The following NXPH1 variants were observed in gnomAD, a reference collection of about 807,000 sequenced individuals.
The protein encoded by NXPH1 is neurexophilin 1, also known as neurexophilin-1.
Under a neutral mutation model 23.7 loss-of-function variants are expected in NXPH1, and 5 were observed. That is an observed-to-expected ratio of 0.21 (90% CI 0.11 to 0.44). NXPH1 has a LOEUF of 0.44. Ranked by LOEUF, NXPH1 falls within the 20% of genes least tolerant of loss-of-function variation. The pLI, the probability that NXPH1 is intolerant of heterozygous loss-of-function variation, is 0.99. For missense variants in NXPH1, 324 were observed against 321.6 expected, an observed-to-expected ratio of 1.01 and a Z score of -0.06; for synonymous variants, 144 against 122.2, an observed-to-expected ratio of 1.18 and a Z score of -1.18.
chr7:8,509,069 T>C (rs1030345954), intron 2 of NXPH1, among the ~76,000 whole-genome samples: 3 of 152,088 alleles, frequency 2.0e-5, no homozygotes, highest in African/African-American at 7.2e-5. Flanking sequence ...TGAAGCACCA[T>C]GAAGTAAAAA....
At chr7:8,732,365 C>T (rs753704842) in intron 2 of NXPH1, among the ~76,000 whole-genome samples, 3 of 152,204 alleles carry the variant, frequency 2.0e-5, no homozygotes, top group East Asian at 1.9e-4. Flanking sequence ...TTGGCTCCTT[C>T]GCCTTCGTTT....
At chr7:8,738,204 GA>G (rs1324186787) in intron 2 of NXPH1, among the ~76,000 whole-genome samples, 1 of 152,290 alleles carries the variant, frequency 6.6e-6, no homozygotes, top group African/African-American at 2.4e-5. Context: ...TCATTTGGAG[GA>G]GAAGAGGCAT....
intron 2 of NXPH1, among the ~76,000 whole-genome samples, chr7:8,480,582 A>G (rs1276073202): frequency 6.6e-6 from 1 of 152,202 alleles, no homozygotes; most frequent in African/African-American, 2.4e-5. Flanking sequence ...AAACTGGGCA[A>G]TAAATCTCAG....
Position 8,672,220 on chromosome 7 carries a change from C to T in NXPH1, c.55-78788C>T, listed in dbSNP as rs908892043. Among the ~76,000 whole-genome samples the T allele has an allele frequency of 2.6e-4, 39 of 152,124 alleles. 2 individuals are homozygous for T. The highest frequency in any genetic ancestry group is 7.5e-4 in the African/African-American group (31 of 41,510). The stretch of plus-strand genomic sequence containing the variant: ...GAAACCATCATTCTCAGCAAACTAT[C>T]GCAAGGACAAAAAACCAAACACCGC... On this transcript the variant is annotated intron_variant, in intron 2 of 2. Transcript: ENST00000405863.
intron 2 of NXPH1, among the ~76,000 whole-genome samples, chr7:8,443,435 C>G (rs796586454): frequency 2.6e-5 from 4 of 152,342 alleles, no homozygotes; most frequent in African/African-American, 9.6e-5. Flanking sequence ...GACAAGGAAA[C>G]TGAGGCAACC....
chr7:8,690,371 A>G (rs1365089431), intron 2 of NXPH1: 1 of 152,216 alleles, frequency 6.6e-6, no homozygotes, highest in African/African-American at 2.4e-5. Context: ...TTCTCTAGCC[A>G]TGGTCTTTCT....
At chr7:8,748,222 A>T (rs1269412829) in intron 2 of NXPH1, among the ~76,000 whole-genome samples, 1 of 152,190 alleles carries the variant, frequency 6.6e-6, no homozygotes, top group Non-Finnish European at 1.5e-5. Flanking sequence ...CTACTGTTTG[A>T]ATGTGGTCCA....
At position 8,455,625 on chromosome 7, in the gene NXPH1, A is replaced by G. The variant is rs112376460; in HGVS notation, c.54+19858A>G. On this transcript the variant is annotated intron_variant, in intron 2 of 2. Transcript: ENST00000405863. The stretch of plus-strand genomic sequence containing the variant: ...TCCAGAGAGAATGTTAATTCCCAGA[A>G]AGGATCAGAATTTGAGCAATGTTCC... Among the ~76,000 whole-genome samples the G allele has an allele frequency of 2.8e-3, 424 of 152,264 alleles. 1 individual carries two copies. The highest frequency in any genetic ancestry group is 9.7e-3 in the African/African-American group (403 of 41,540).
chr7:8,433,756 G>A lies in NXPH1; in HGVS notation c.-1110G>A, dbSNP rs1488217398. 3.3e-5 allele frequency among the ~76,000 whole-genome samples: 5 copies of A among 151,810 alleles called. No individual in the cohort carries two copies. The East Asian group carries it at 7.8e-4, about 24-fold the overall frequency. On this transcript the variant is annotated 5_prime_UTR_variant, in exon 1 of 3. Transcript: ENST00000405863. The surrounding 1 kb of genome is among the most constrained non-coding windows in gnomAD (Gnocchi z 6.8). ...CCTCCCGCGCCCTTCCCCGCCCTACGCGACTCCCGGCTGCTCTTCCCGCCA... is the reference window on the plus strand; with the variant it reads ...CCTCCCGCGCCCTTCCCCGCCCTACACGACTCCCGGCTGCTCTTCCCGCCA...
At chr7:8,603,149 G>T (rs997538517) in intron 2 of NXPH1, among the ~76,000 whole-genome samples, 17 of 152,244 alleles carry the variant, frequency 1.1e-4, no homozygotes, top group African/African-American at 4.1e-4. Context: ...ATAATGCCTA[G>T]AATATGGTAA....
rs564113070 is a variant in NXPH1, at chr7:8,660,345, A to C, written c.55-90663A>C. Among the ~76,000 whole-genome samples the C allele has an allele frequency of 5.6e-4, 86 of 152,278 alleles. 2 individuals carry two copies. In the South Asian group the frequency reaches 0.018, roughly 31 times the overall value. On this transcript the variant is annotated intron_variant, in intron 2 of 2. Coordinates refer to ENST00000405863, the MANE Select transcript of NXPH1 (RefSeq NM_152745.3). ...CTCTTGGACTTACCTTACAACTCTT[A>C]ACTTACTGAACCTTTAGCTCTTAAA...
intron 2 of NXPH1, among the ~76,000 whole-genome samples, chr7:8,525,794 C>T (rs1299088247): frequency 6.6e-6 from 1 of 152,202 alleles, no homozygotes; most frequent in Non-Finnish European, 1.5e-5. Flanking sequence ...GTTTGCGAAC[C>T]TCCACCTAGA....
intron 2 of NXPH1, among the ~76,000 whole-genome samples, chr7:8,721,036 T>A (rs1283408640): frequency 6.6e-6 from 1 of 152,206 alleles, no homozygotes; most frequent in Admixed American, 6.5e-5. Context: ...GTAGGCATAA[T>A]GGGGTAACAG....
At chr7:8,720,353 G>T (rs73678837) in intron 2 of NXPH1, among the ~76,000 whole-genome samples, 342 of 152,022 alleles carry the variant, frequency 2.2e-3, no homozygotes, top group Admixed American at 4.4e-3. Flanking sequence ...GGGGCAGTGG[G>T]TCTTGCATTT....
At chr7:8,692,084 G>A (rs1480741098) in intron 2 of NXPH1, among the ~76,000 whole-genome samples, 1 of 151,854 alleles carries the variant, frequency 6.6e-6, no homozygotes, top group Non-Finnish European at 1.5e-5. Flanking sequence ...AGATGGTCAG[G>A]GAGGTTGGAG....
chr7:8,493,973 A>G (rs1189618227), intron 2 of NXPH1, among the ~76,000 whole-genome samples: 3 of 152,032 alleles, frequency 2.0e-5, no homozygotes, highest in Non-Finnish European at 4.4e-5. Flanking sequence ...AAATAAAATG[A>G]GGGTAAGCTT....
At chr7:8,574,513 G>A (rs986317623) in intron 2 of NXPH1, among the ~76,000 whole-genome samples, 2 of 152,106 alleles carry the variant, frequency 1.3e-5, no homozygotes, top group African/African-American at 4.8e-5. Context: ...GAAAAAGATG[G>A]AATCTGTTAA....
rs146747936 is a variant in NXPH1 at position 8,571,191 on chromosome 7, A to C, written c.54+135424A>C. Reference sequence around the variant, plus strand: ...GCTATAGCATGTTGAAATTTGAAAAACACTGGCTTGACAATGTCATAGGAG... The same window carrying C: ...GCTATAGCATGTTGAAATTTGAAAACCACTGGCTTGACAATGTCATAGGAG... On this transcript the variant is annotated intron_variant, in intron 2 of 2. Coordinates refer to ENST00000405863, the MANE Select transcript of NXPH1 (RefSeq NM_152745.3). Among the ~76,000 whole-genome samples, 1,051 of 151,974 alleles carry C rather than the reference A, an allele frequency of 6.9e-3. 10 individuals carry two copies. Among genetic ancestry groups the C allele is most frequent in the African/African-American group, 0.023 (934 of 41,500 alleles).
intron 2 of NXPH1, among the ~76,000 whole-genome samples, chr7:8,556,791 A>G (rs990794720): frequency 6.8e-6 from 1 of 147,642 alleles, no homozygotes; most frequent in African/African-American, 2.4e-5. Context: ...TTGGTAGTGA[A>G]CTCTTTTCAA....
Sources: allele counts gnomAD v4.1 joint callset (sites outside exome capture counted in the v4.1 genomes callset), GRCh38; gene constraint gnomAD v4.1.1; non-coding constraint Gnocchi (gnomAD v3.1); transcripts MANE v1.5; gene names NCBI Gene and HGNC (gene_info 2026-07-23, HGNC 2026-07-21).